AOX1: variants seen among roughly 807,000 people sequenced by gnomAD.
AOX1 encodes the protein aldehyde oxidase 1.
Under a neutral mutation model 169.5 loss-of-function variants are expected in AOX1, and 153 were observed. The observed-to-expected ratio is 0.90, with a 90% CI of 0.79 to 1.03. The LOEUF (loss-of-function observed/expected upper bound fraction) is 1.03. Among genes scored for constraint, AOX1 ranks in the 50% least tolerant of loss-of-function variants. The pLI, the probability that AOX1 is intolerant of heterozygous loss-of-function variation, is 0.00. For missense variants in AOX1, 1,656 were observed against 1,663.9 expected (o/e 1.00, Z 0.08); for synonymous variants, 562 against 581.9 (o/e 0.97, Z 0.49).
intron 18 of AOX1, among the ~76,000 whole-genome samples, chr2:200,623,020 T>C (rs908396696): frequency 4.6e-5 from 7 of 152,260 alleles, no homozygotes; most frequent in Non-Finnish European, 1.0e-4. Flanking sequence ...CTAGATTTTA[T>C]GTTTTTAATG....
Position 200,642,691 on chromosome 2 carries a change from A to G in AOX1, c.2737A>G (p.Asn913Asp). The change falls in exon 25 of 35, where the codon AAC becomes GAC. Residue 913 changes from asparagine to aspartate, a missense_variant. By Grantham distance (23) the Asn-to-Asp change is conservative. Coordinates refer to ENST00000374700, the MANE Select transcript of AOX1 (RefSeq NM_001159.4). Reference sequence around the variant, plus strand: ...CTGCCGGGGTTGGGCATGCAGAACCAACCTTCCATCCAACACAGCTTTTCG... The same window carrying G: ...CTGCCGGGGTTGGGCATGCAGAACCGACCTTCCATCCAACACAGCTTTTCG... ...LRCRGWACRT[N>D]LPSNTAFRGF... 1 of 1,614,158 alleles carries G rather than the reference A, an allele frequency of 6.2e-7. No homozygotes were observed. The highest frequency in any genetic ancestry group is 1.7e-4 in the Middle Eastern group (1 of 6,058).
chr2:200,606,204 C>T (rs2034510507), intron 10 of AOX1, among the ~76,000 whole-genome samples: 1 of 152,170 alleles, frequency 6.6e-6, no homozygotes, highest in South Asian at 2.1e-4. Context: ...CTGCATATGG[C>T]TAGCCAGTTT....
chr2:200,671,985 A>G (rs1055078567), downstream of AOX1, among the ~76,000 whole-genome samples: 1 of 152,228 alleles, frequency 6.6e-6, no homozygotes, highest in Non-Finnish European at 1.5e-5. Context: ...AAAAAGCACT[A>G]TTACATGTGA....
At chr2:200,673,086 C>T (rs1054215758), downstream of AOX1, among the ~76,000 whole-genome samples, 5 of 152,288 alleles carry the variant, frequency 3.3e-5, no homozygotes, top group East Asian at 7.7e-4. Flanking sequence ...TGATGCAGGT[C>T]GTGGGAGGGC....
rs775620240 is a variant in AOX1 at position 200,670,567 on chromosome 2, A to G, written c.3967-62A>G. 2.6e-4 allele frequency: 378 copies of G among 1,446,432 alleles called. 1 individual carries two copies. Among genetic ancestry groups the G allele is most frequent in the Non-Finnish European group, 3.5e-4 (360 of 1,039,110 alleles). The allele number at this position is 1,446,432 out of a possible 1,614,324, so 89.6% of individuals were successfully genotyped here. A position where few individuals can be genotyped will look rare whatever the true frequency, so the allele number is the denominator to read the frequency against. Reference sequence around the variant, plus strand: ...TGTTTAACCTACTTTATGTTCTTCTATTTTTCACCTAAGTCACAAACATTT... The same window carrying G: ...TGTTTAACCTACTTTATGTTCTTCTGTTTTTCACCTAAGTCACAAACATTT... On this transcript the variant is annotated intron_variant, in intron 34 of 34. Transcript: ENST00000374700.
intron 20 of AOX1, among the ~76,000 whole-genome samples, chr2:200,629,705 C>T (rs758039636): frequency 5.9e-5 from 9 of 152,096 alleles, no homozygotes; most frequent in Non-Finnish European, 8.8e-5. Context: ...AGAGCGTTCC[C>T]GGCATGAGCA....
At chr2:200,612,855 G>A (rs1428621653) in intron 14 of AOX1, 62 bp downstream of exon 14, 1 of 1,386,572 alleles carries the variant, frequency 7.2e-7, no homozygotes, top group Non-Finnish European at 9.8e-7. Flanking sequence ...TATTAGAGGA[G>A]CCCTTTTTGT....
intron 5 of AOX1, among the ~76,000 whole-genome samples, chr2:200,600,036 A>G (rs1218180492): frequency 1.3e-5 from 2 of 152,188 alleles, no homozygotes; most frequent in African/African-American, 4.8e-5. Flanking sequence ...TGATCCTCAC[A>G]AAAAATTTAT....
chr2:200,642,128 T>TA lies in AOX1; in HGVS notation c.2656-472dup, dbSNP rs879652522. Among the ~76,000 whole-genome samples the TA allele has an allele frequency of 6.8e-3, 1,002 of 147,206 alleles. 26 individuals are homozygous for TA. The highest frequency in any genetic ancestry group is 0.045 in the East Asian group (225 of 5,042). The stretch of plus-strand genomic sequence containing the variant: ...TGGGCAACAAAAGTGAAACTCTGTC[T>TA]AAAAAAAAAAGAGTTTCAACCAAAA... On this transcript the variant is annotated intron_variant, in intron 24 of 34. Transcript: ENST00000374700.
At chr2:200,607,555 G>A (rs1023914905) in intron 10 of AOX1, among the ~76,000 whole-genome samples, 1 of 152,190 alleles carries the variant, frequency 6.6e-6, no homozygotes, top group South Asian at 2.1e-4. Context: ...GGAAGACAGT[G>A]TGGTGATTCC....
chr2:200,670,648 G>T lies in AOX1; in HGVS notation c.3986G>T (p.Gly1329Val). Reference protein sequence around the residue: ...FTKMIPRDEPGSYVPWNVPI With the variant: ...FTKMIPRDEPVSYVPWNVPI ...TTTTAGATTCCGAGAGATGAACCTGGATCCTACGTTCCTTGGAATGTACCC... is the reference window on the plus strand; with the variant it reads ...TTTTAGATTCCGAGAGATGAACCTGTATCCTACGTTCCTTGGAATGTACCC... The change falls in exon 35 of 35, where the codon GGA becomes GTA. Residue 1329 changes from glycine (G) to valine (V), a missense_variant. Coordinates refer to ENST00000374700, the MANE Select transcript of AOX1 (RefSeq NM_001159.4). 1 of 1,612,672 alleles carries T rather than the reference G, an allele frequency of 6.2e-7. No homozygotes were observed.
At chr2:200,627,545 G>A (rs993179855) in intron 20 of AOX1, 96 bp downstream of exon 20, 3 of 852,230 alleles carry the variant, frequency 3.5e-6, no homozygotes, top group Admixed American at 2.0e-5. Flanking sequence ...GGCAGCCTAG[G>A]GGGGTGTTGC....
chr2:200,619,200 G>A (rs939485868), intron 16 of AOX1, among the ~76,000 whole-genome samples: 2 of 152,074 alleles, frequency 1.3e-5, no homozygotes, highest in Non-Finnish European at 2.9e-5. Flanking sequence ...GTATGTGTTG[G>A]CGACTTGTTC....
At chr2:200,677,997 G>C (rs985313258), downstream of AOX1, among the ~76,000 whole-genome samples, 1 of 152,046 alleles carries the variant, frequency 6.6e-6, no homozygotes, top group African/African-American at 2.4e-5. Context: ...TGCTCCCAAA[G>C]AATCTCCCAA....
At chr2:200,608,929 C>T in intron 10 of AOX1, 55 bp from the exon 11 acceptor site, 1 of 1,530,016 alleles carries the variant, frequency 6.5e-7, no homozygotes, top group Non-Finnish European at 8.9e-7. Context: ...GTCTAATGGA[C>T]ATTTTCAGAT....
intron 9 of AOX1, 98 bp downstream of exon 9, chr2:200,604,938 C>A: frequency 1.8e-6 from 2 of 1,090,032 alleles, no homozygotes; most frequent in Non-Finnish European, 2.7e-6. Context: ...CATGTGTTCT[C>A]AGGAAAAGCA....
At chr2:200,630,854 G>C (rs2035111160) in intron 20 of AOX1, among the ~76,000 whole-genome samples, 1 of 152,140 alleles carries the variant, frequency 6.6e-6, no homozygotes, top group African/African-American at 2.4e-5. Flanking sequence ...AGGAGTGGGG[G>C]TAAGGGGAGG....
chr2:200,629,096 C>T (rs2035062978), intron 20 of AOX1, among the ~76,000 whole-genome samples: 1 of 152,076 alleles, frequency 6.6e-6, no homozygotes, highest in Non-Finnish European at 1.5e-5. Flanking sequence ...AGTTCCAAGC[C>T]CATCATGTCT....
intron 15 of AOX1, among the ~76,000 whole-genome samples, chr2:200,615,577 C>T (rs1203992201): frequency 6.6e-6 from 1 of 152,154 alleles, no homozygotes; most frequent in Non-Finnish European, 1.5e-5. Context: ...CAATGGTGTA[C>T]TTTGACTCTG....
Sources: gnomAD v4.1 joint callset for allele counts (sites outside exome capture counted in the v4.1 genomes callset) on GRCh38, gnomAD v4.1.1 for gene constraint, MANE v1.5 for transcripts, NCBI Gene and HGNC (gene_info 2026-07-23, HGNC 2026-07-21) for gene names.